LDLRAD4: variants seen among roughly 807,000 people sequenced by gnomAD.
LDLRAD4 encodes low density lipoprotein receptor class A domain containing 4.
Under a neutral mutation model 17.0 loss-of-function variants are expected in LDLRAD4, and 5 were observed. That is an observed-to-expected ratio of 0.29 (90% confidence interval 0.15 to 0.62). LDLRAD4 has a LOEUF of 0.62. Among genes scored for constraint, LDLRAD4 ranks in the 20% least tolerant of loss-of-function variants. The pLI is 0.84. For synonymous variants in LDLRAD4, 168 were observed against 171.8 expected (o/e 0.98, Z 0.17); for missense variants, 340 against 424.7 (o/e 0.80, Z 1.75).
At position 13,437,414 on chromosome 18, in the gene LDLRAD4, T is replaced by C. The variant is rs115539691; in HGVS notation, c.41-830T>C. 1.7e-3 allele frequency among the ~76,000 whole-genome samples: 262 copies of C among 152,360 alleles called. 3 individuals carry two copies. Among genetic ancestry groups the C allele is most frequent in the African/African-American group, 5.9e-3 (245 of 41,588 alleles). ...GGACCTTTCTGTGCTCAAGTGTATATAATTGTGTAACTTCCTTTATTCTTC... is the reference window on the plus strand; with the variant it reads ...GGACCTTTCTGTGCTCAAGTGTATACAATTGTGTAACTTCCTTTATTCTTC... On this transcript the variant is annotated intron_variant, in intron 2 of 5. Coordinates refer to ENST00000359446, the Ensembl canonical transcript of LDLRAD4.
chr18:13,599,883 C>G (rs1359797014), intron 3 of LDLRAD4, among the ~76,000 whole-genome samples: 2 of 152,170 alleles, frequency 1.3e-5, no homozygotes, highest in Non-Finnish European at 2.9e-5. Flanking sequence ...TTGATTGAAA[C>G]TAAATTATAC....
chr18:13,643,118 T>C (rs1335116919), intron 4 of LDLRAD4, among the ~76,000 whole-genome samples: 1 of 151,924 alleles, frequency 6.6e-6, no homozygotes, highest in African/African-American at 2.4e-5. Context: ...GTATTTTTAG[T>C]AGAGACGGGG....
intron 4 of LDLRAD4, among the ~76,000 whole-genome samples, chr18:13,624,762 G>C (rs1416394768): frequency 2.0e-5 from 3 of 152,194 alleles, no homozygotes; most frequent in Non-Finnish European, 4.4e-5. Flanking sequence ...GGCTGGGAAG[G>C]CACGGCTGGC....
chr18:13,295,196 C>A lies in LDLRAD4; in HGVS notation c.-383+17008C>A, dbSNP rs541130260. ...ACATTGTAGAAACTCAAGATACTTT[C>A]TGTCTTGCTTGGAATTTCCCCTCAC... On this transcript the variant is annotated intron_variant, in intron 1 of 5. Coordinates refer to ENST00000359446, the Ensembl canonical transcript of LDLRAD4. Among the ~76,000 whole-genome samples, 4 of 152,348 alleles carry A rather than the reference C, an allele frequency of 2.6e-5. No homozygotes were observed. In the East Asian group the frequency reaches 5.8e-4, roughly 22 times the overall value.
exon 6 of LDLRAD4, chr18:13,647,772 G>T (rs894800354): frequency 6.6e-6 from 1 of 152,286 alleles, no homozygotes; most frequent in Non-Finnish European, 1.5e-5. Context: ...CTTACAACCT[G>T]TGTGGAAGTA....
intron 2 of LDLRAD4, among the ~76,000 whole-genome samples, chr18:13,413,331 C>T (rs1445813578): frequency 6.6e-6 from 1 of 152,222 alleles, no homozygotes; most frequent in Non-Finnish European, 1.5e-5. Context: ...AATTGGTCAA[C>T]TGTTCGTAAA....
At chr18:13,463,878 C>G (rs1353485219) in intron 3 of LDLRAD4, among the ~76,000 whole-genome samples, 3 of 152,196 alleles carry the variant, frequency 2.0e-5, no homozygotes, top group Non-Finnish European at 2.9e-5. Context: ...GGCATAATTT[C>G]TGCATTAATG....
At chr18:13,259,917 T>C (rs976452536) in intron 1 of LDLRAD4, among the ~76,000 whole-genome samples, 1 of 152,234 alleles carries the variant, frequency 6.6e-6, no homozygotes. Flanking sequence ...GAGGGGAACG[T>C]GTGGTTTGGA....
intron 1 of LDLRAD4, among the ~76,000 whole-genome samples, chr18:13,282,945 G>A (rs923000194): frequency 7.9e-5 from 12 of 152,314 alleles, no homozygotes; most frequent in Non-Finnish European, 1.3e-4. Flanking sequence ...CTGTGTACCC[G>A]CAGGCTCAAC....
intron 3 of LDLRAD4, among the ~76,000 whole-genome samples, chr18:13,594,985 A>AT (rs936052530): frequency 8.6e-5 from 13 of 151,726 alleles, no homozygotes; most frequent in South Asian, 2.1e-4. Flanking sequence ...CCTTTCTAGA[A>AT]TTTTTTTTCA....
upstream of LDLRAD4, among the ~76,000 whole-genome samples, chr18:13,276,793 A>G (rs973229434): frequency 7.2e-5 from 11 of 152,182 alleles, no homozygotes; most frequent in African/African-American, 1.7e-4. Context: ...GTAGAAGCCA[A>G]TCACAGCTTC....
At chr18:13,630,526 A>G (rs1601817241) in intron 4 of LDLRAD4, among the ~76,000 whole-genome samples, 1 of 152,252 alleles carries the variant, frequency 6.6e-6, no homozygotes, top group East Asian at 1.9e-4. Context: ...GGGGAAAAAT[A>G]GATTTCCAAC....
At chr18:13,571,837 C>T (rs377248758) in intron 3 of LDLRAD4, among the ~76,000 whole-genome samples, 30 of 152,174 alleles carry the variant, frequency 2.0e-4, no homozygotes, top group East Asian at 1.2e-3. Context: ...GAGGTTTCAC[C>T]GTGTTAACCA....
At chr18:13,581,812 G>A (rs2094863209) in intron 3 of LDLRAD4, among the ~76,000 whole-genome samples, 1 of 152,066 alleles carries the variant, frequency 6.6e-6, no homozygotes, top group Non-Finnish European at 1.5e-5. Context: ...AGCACCTTGT[G>A]CGTATGGATG....
intron 3 of LDLRAD4, chr18:13,543,205 T>TC (rs1688958308): frequency 6.6e-6 from 1 of 152,166 alleles, no homozygotes; most frequent in South Asian, 2.1e-4. Flanking sequence ...AAATGAGCAG[T>TC]CAGCTTTTTG....
At chr18:13,327,312 A>G (rs1207620609) in intron 1 of LDLRAD4, among the ~76,000 whole-genome samples, 1 of 152,092 alleles carries the variant, frequency 6.6e-6, no homozygotes, top group African/African-American at 2.4e-5. Flanking sequence ...CTGGACTTTA[A>G]TTGATGATGA....
At chr18:13,442,294 G>A (rs1318623421) in intron 3 of LDLRAD4, among the ~76,000 whole-genome samples, 1 of 152,142 alleles carries the variant, frequency 6.6e-6, no homozygotes, top group Non-Finnish European at 1.5e-5. Flanking sequence ...CTAAAAATGG[G>A]CCCAGGGAGT....
At chr18:13,387,609 C>A (rs1038242796) in exon 2 of LDLRAD4, 9 of 977,716 alleles carry the variant, frequency 9.2e-6, no homozygotes, top group Non-Finnish European at 1.4e-5. Flanking sequence ...AGAGGCCGGC[C>A]CAGCAGAGCG....
At chr18:13,506,358 C>T (rs528426279) in intron 3 of LDLRAD4, among the ~76,000 whole-genome samples, 5 of 146,522 alleles carry the variant, frequency 3.4e-5, no homozygotes, top group Non-Finnish European at 7.5e-5. Flanking sequence ...CTCCTAATGC[C>T]ATCCCTCCCC....
Sources: gnomAD v4.1 joint callset for allele counts (sites outside exome capture counted in the v4.1 genomes callset) on GRCh38, gnomAD v4.1.1 for gene constraint, MANE v1.5 for transcripts, NCBI Gene and HGNC (gene_info 2026-07-23, HGNC 2026-07-21) for gene names.